PMM2: variants seen among roughly 807,000 people sequenced by gnomAD.
PMM2 encodes the protein phosphomannomutase 2.
In PMM2, 35 loss-of-function variants were observed where a neutral mutation model predicts 33.2. That is an observed-to-expected ratio of 1.06 (90% CI 0.81 to 1.40). The LOEUF is 1.40. PMM2 is among the 40% of genes most tolerant of loss of function. The pLI, the probability that PMM2 is intolerant of heterozygous loss-of-function variation, is 0.00. For synonymous variants in PMM2, 153 were observed against 114.7 expected (o/e 1.33, Z -2.13); for missense variants, 386 against 306.0 (o/e 1.26, Z -1.95).
chr16:8,830,666 A>G (rs564379987), intron 7 of PMM2, among the ~76,000 whole-genome samples: 1 of 152,334 alleles, frequency 6.6e-6, no homozygotes, highest in South Asian at 2.1e-4. Context: ...TAGGATTTAC[A>G]AGCGATGTTA....
intron 7 of PMM2, among the ~76,000 whole-genome samples, chr16:8,840,012 T>C (rs1567169233): frequency 6.6e-6 from 1 of 151,808 alleles, no homozygotes; most frequent in Non-Finnish European, 1.5e-5. Flanking sequence ...TGAGGGCTGT[T>C]ACAGGAAGTT....
chr16:8,817,537 C>G (rs1411701871), intron 7 of PMM2, among the ~76,000 whole-genome samples: 1 of 152,182 alleles, frequency 6.6e-6, no homozygotes, highest in Admixed American at 6.5e-5. Context: ...GAATGCAGTT[C>G]TTGGATAATC....
At chr16:8,841,530 A>C (rs987306213) in intron 7 of PMM2, among the ~76,000 whole-genome samples, 1 of 140,056 alleles carries the variant, frequency 7.1e-6, no homozygotes, top group African/African-American at 2.6e-5. Context: ...AGAATAGCAG[A>C]TGGAACACTG....
chr16:8,848,259 T>C lies in PMM2; in HGVS notation c.*434T>C. ...AATACCAAACATGGGGGTTTGGTAA[T>C]GAGAAACCAGGACAGGCCATCTGCA... On this transcript the variant is annotated 3_prime_UTR_variant, in exon 8 of 8. Coordinates refer to ENST00000268261, the MANE Select transcript of PMM2 (RefSeq NM_000303.3). 1 of 220,936 alleles carries C rather than the reference T, an allele frequency of 4.5e-6. No homozygotes were observed. The highest frequency in any genetic ancestry group is 6.4e-5 in the South Asian group (1 of 15,690). 13.7% of individuals were successfully genotyped at this position (220,936 alleles called of 1,614,324 possible). A position where few individuals can be genotyped will look rare whatever the true frequency, so the allele number is the denominator to read the frequency against.
chr16:8,798,247 A>G (rs1178229744), intron 1 of PMM2, among the ~76,000 whole-genome samples: 1 of 152,254 alleles, frequency 6.6e-6, no homozygotes, highest in East Asian at 1.9e-4. Context: ...CTGATAGACC[A>G]GGATTTCAAC....
At chr16:8,805,078 G>A (rs1042891227) in intron 3 of PMM2, among the ~76,000 whole-genome samples, 4 of 152,140 alleles carry the variant, frequency 2.6e-5, no homozygotes, top group African/African-American at 7.2e-5. Flanking sequence ...TTGAGACGGA[G>A]TCTTGCTCTG....
At chr16:8,843,928 G>C (rs1455970582) in intron 7 of PMM2, among the ~76,000 whole-genome samples, 2 of 152,158 alleles carry the variant, frequency 1.3e-5, no homozygotes, top group African/African-American at 4.8e-5. Context: ...AGCAACGCTT[G>C]GGGTTGGGAC....
At chr16:8,817,283 G>A (rs886096173) in intron 7 of PMM2, among the ~76,000 whole-genome samples, 2 of 152,214 alleles carry the variant, frequency 1.3e-5, no homozygotes, top group Admixed American at 1.3e-4. Flanking sequence ...AATGCTTTCA[G>A]TGCAGGCTTT....
At chr16:8,832,318 C>T (rs766342652) in intron 7 of PMM2, 84 of 985,320 alleles carry the variant, frequency 8.5e-5, no homozygotes, top group Non-Finnish European at 1.0e-4. Context: ...TGAGAAGCAA[C>T]CCAGAGAGGC....
intron 2 of PMM2, among the ~76,000 whole-genome samples, chr16:8,802,898 C>G (rs1461981801): frequency 6.6e-6 from 1 of 152,004 alleles, no homozygotes; most frequent in Non-Finnish European, 1.5e-5. Context: ...CTGTTGTCCC[C>G]AGAGTCCTCA....
At chr16:8,815,599 C>A (rs2060703749) in intron 7 of PMM2, among the ~76,000 whole-genome samples, 1 of 152,106 alleles carries the variant, frequency 6.6e-6, no homozygotes, top group Admixed American at 6.6e-5. Flanking sequence ...GTATCTTGGC[C>A]ATTATGAATA....
chr16:8,847,418 C>G (rs1348636496), intron 7 of PMM2, among the ~76,000 whole-genome samples: 3 of 149,944 alleles, frequency 2.0e-5, no homozygotes, highest in African/African-American at 7.3e-5. Context: ...AATACTGTCA[C>G]TCGCTGATGC....
chr16:8,832,053 CTTA>C (rs1414358303), intron 7 of PMM2: 4 of 743,768 alleles, frequency 5.4e-6, no homozygotes, highest in South Asian at 1.2e-4. Flanking sequence ...GTTCTCTAGC[CTTA>C]TTATTCTAGA....
intron 7 of PMM2, among the ~76,000 whole-genome samples, chr16:8,835,341 C>A (rs1045162289): frequency 2.0e-5 from 3 of 151,906 alleles, no homozygotes; most frequent in Non-Finnish European, 4.4e-5. Context: ...AGATAGGTAA[C>A]AGATGGGGAT....
chr16:8,806,964 G>A (rs948900163), intron 4 of PMM2: 3 of 155,160 alleles, frequency 1.9e-5, no homozygotes, highest in Non-Finnish European at 2.9e-5. Flanking sequence ...TTGCCATCAT[G>A]TAAAAGTCTG....
Position 8,838,730 on chromosome 16 carries a change from C to CT in PMM2, c.640-8993dup, listed in dbSNP as rs541236096. Among the ~76,000 whole-genome samples the CT allele has an allele frequency of 1.9e-3, 286 of 152,062 alleles. 3 individuals carry two copies. The highest frequency in any genetic ancestry group is 6.6e-3 in the African/African-American group (275 of 41,502). Reference sequence around the variant, plus strand: ...AAGGAGAAAAATGGGTATTAAAGGACTAAGAATTGGGAGGACCTAGGACAT... The same window carrying CT: ...AAGGAGAAAAATGGGTATTAAAGGACTTAAGAATTGGGAGGACCTAGGACAT... On this transcript the variant is annotated intron_variant, in intron 7 of 7. Transcript: ENST00000268261.
chr16:8,829,008 C>G (rs961979023), intron 7 of PMM2, among the ~76,000 whole-genome samples: 7 of 152,042 alleles, frequency 4.6e-5, no homozygotes, highest in Non-Finnish European at 7.4e-5. Context: ...GATGGAGTCT[C>G]ACTCTATTGC....
At chr16:8,810,286 T>C (rs983550870) in intron 4 of PMM2, 3 of 152,242 alleles carry the variant, frequency 2.0e-5, no homozygotes, top group South Asian at 2.1e-4. Flanking sequence ...GTAGCTTTGC[T>C]TGGTACTATC....
intron 4 of PMM2, chr16:8,810,850 C>G (rs970756208): frequency 5.2e-6 from 3 of 574,974 alleles, no homozygotes; most frequent in African/African-American, 1.9e-5. Flanking sequence ...AATTACATTC[C>G]TTTTTCATAC....
Sources: gnomAD v4.1 joint callset for allele counts (sites outside exome capture counted in the v4.1 genomes callset) on GRCh38, gnomAD v4.1.1 for gene constraint, MANE v1.5 for transcripts, NCBI Gene and HGNC (gene_info 2026-07-23, HGNC 2026-07-21) for gene names.